The following NXN variants were observed in gnomAD, a reference collection of about 807,000 sequenced individuals.
The protein encoded by NXN is nucleoredoxin.
In NXN, 16 loss-of-function variants were observed where a neutral mutation model predicts 48.6. That is an observed-to-expected ratio of 0.33 (90% CI 0.22 to 0.50). The LOEUF is 0.50. NXN is among the 20% of genes least tolerant of loss of function. NXN has a pLI of 0.98. For missense variants in NXN, 492 were observed against 605.5 expected, an observed-to-expected ratio of 0.81 and a Z score of 1.97; for synonymous variants, 281 against 269.6, an observed-to-expected ratio of 1.04 and a Z score of -0.41.
chr17:855,423 C>G (rs1337759189), intron 1 of NXN, among the ~76,000 whole-genome samples: 2 of 152,198 alleles, frequency 1.3e-5, no homozygotes, highest in Non-Finnish European at 2.9e-5. Flanking sequence ...GTTTTCCACC[C>G]AATCCAAGAT....
intron 1 of NXN, among the ~76,000 whole-genome samples, chr17:851,790 A>T (rs949620033): frequency 1.3e-5 from 2 of 152,258 alleles, no homozygotes; most frequent in African/African-American, 4.8e-5. Context: ...ACTCGCCATA[A>T]ATAGAGGCTA....
chr17:905,065 G>T (rs2068570548), intron 1 of NXN: 1 of 151,998 alleles, frequency 6.6e-6, no homozygotes, highest in Non-Finnish European at 1.5e-5. Context: ...CTCTGCCAAT[G>T]AATCAAGACT....
chr17:973,865 G>A (rs945096009), intron 1 of NXN, among the ~76,000 whole-genome samples: 3 of 151,440 alleles, frequency 2.0e-5, no homozygotes, highest in Admixed American at 2.0e-4. Flanking sequence ...TTTTAGTAGA[G>A]ATGGGGTTTC....
In NXN at chr17:979,720, C is replaced by A. The variant is rs1352724784; in HGVS notation, c.-42G>T. 1 of 1,299,754 alleles carries A rather than the reference C, an allele frequency of 7.7e-7. No homozygotes were observed. Among genetic ancestry groups the A allele is most frequent in the African/African-American group, 1.6e-5 (1 of 64,186 alleles). The allele number at this position is 1,299,754 out of a possible 1,614,324, so 80.5% of individuals were successfully genotyped here. A position where few individuals can be genotyped will look rare whatever the true frequency, so the allele number is the denominator to read the frequency against. On this transcript the variant is annotated 5_prime_UTR_variant, in exon 1 of 8. Coordinates refer to ENST00000336868, the MANE Select transcript of NXN (RefSeq NM_022463.5). The stretch of plus-strand genomic sequence containing the variant: ...GCGGGCAGGCGGCTGCGACCCCGCT[C>A]CACGGTCCGCGCGGCGGGAGGAGGC...
intron 1 of NXN, among the ~76,000 whole-genome samples, chr17:912,856 A>G (rs575224958): frequency 1.5e-4 from 23 of 152,244 alleles, no homozygotes; most frequent in Non-Finnish European, 3.1e-4. Context: ...CGGGAGGCTG[A>G]GGCAGGAGAA....
At chr17:875,421 A>T (rs1344992257) in intron 1 of NXN, among the ~76,000 whole-genome samples, 1 of 152,176 alleles carries the variant, frequency 6.6e-6, no homozygotes, top group Non-Finnish European at 1.5e-5. Context: ...ACTCATAGAG[A>T]TAAGCCACTC....
chr17:834,728 C>T (rs1205525954), intron 1 of NXN, among the ~76,000 whole-genome samples: 3 of 151,552 alleles, frequency 2.0e-5, no homozygotes, highest in Non-Finnish European at 2.9e-5. Flanking sequence ...CCACGTTGGG[C>T]ACGCTGGTCT....
rs575400464 is a variant in NXN, at chr17:944,915, G to A, written c.360+34404C>T. 6.6e-5 allele frequency among the ~76,000 whole-genome samples: 10 copies of A among 151,862 alleles called. 1 individual carries two copies. The highest frequency in any genetic ancestry group is 3.9e-4 in the East Asian group (2 of 5,186). On this transcript the variant is annotated intron_variant, in intron 1 of 7. Coordinates refer to ENST00000336868, the MANE Select transcript of NXN (RefSeq NM_022463.5). ...CAATAACAAACCGTGGAACACCTAC[G>A]AACTGTGAAACACACCGAGAAGAGA...
intron 1 of NXN, among the ~76,000 whole-genome samples, chr17:832,353 A>AT (rs577293334): frequency 0.5 from 71,905 of 143,294 alleles, 18,154 homozygotes; most frequent in East Asian, 0.69. Context: ...ACTATTTTGT[A>AT]TTTTTTTTTT....
In NXN at chr17:844,018, G is replaced by T. The variant is rs118118742; in HGVS notation, c.361-17940C>A. Among the ~76,000 whole-genome samples, 1,209 of 152,340 alleles carry T rather than the reference G, an allele frequency of 7.9e-3. 12 individuals carry two copies. Among genetic ancestry groups the T allele is most frequent in the East Asian group, 0.03 (155 of 5,188 alleles). ...TTTGGGGAATCTGCTGCAAAAACAC[G>T]CCTGTCCAGGCCATCATACGTCCCG... On this transcript the variant is annotated intron_variant, in intron 1 of 7. Coordinates refer to ENST00000336868, the MANE Select transcript of NXN (RefSeq NM_022463.5).
At chr17:840,945 GCAGCCCCCACTCCTCCA>G (rs1914135501) in intron 1 of NXN, among the ~76,000 whole-genome samples, 1 of 152,186 alleles carries the variant, frequency 6.6e-6, no homozygotes, top group Non-Finnish European at 1.5e-5. Flanking sequence ...CTGTGTTCTG[GCAGCCCCCACTCCTCCA>G]CCGCACGGCG....
chr17:933,165 T>C (rs2068872677), intron 1 of NXN, among the ~76,000 whole-genome samples: 1 of 151,952 alleles, frequency 6.6e-6, no homozygotes, highest in African/African-American at 2.4e-5. Context: ...GATTCTGTAC[T>C]CCAGATTTGC....
intron 1 of NXN, among the ~76,000 whole-genome samples, chr17:827,358 C>G (rs1913172740): frequency 6.6e-6 from 1 of 151,928 alleles, no homozygotes; most frequent in Non-Finnish European, 1.5e-5. Flanking sequence ...TGCGGTGGCT[C>G]ACACCTGTAA....
At chr17:841,394 G>GGCGCATCTCACACCT (rs1567827329) in intron 1 of NXN, among the ~76,000 whole-genome samples, 1 of 87,266 alleles carries the variant, frequency 1.1e-5, no homozygotes, top group African/African-American at 3.9e-5. Context: ...ATCTCACGCC[G>GGCGCATCTCACACCT]GCGAGCAGGT....
At chr17:868,098 C>T (rs911617160) in intron 1 of NXN, among the ~76,000 whole-genome samples, 94 of 152,178 alleles carry the variant, frequency 6.2e-4, no homozygotes, top group African/African-American at 2.2e-3. Flanking sequence ...CATCTCCTAG[C>T]TGGACACTGG....
At chr17:902,322 G>C (rs2068545008) in intron 1 of NXN, among the ~76,000 whole-genome samples, 1 of 152,230 alleles carries the variant, frequency 6.6e-6, no homozygotes, top group South Asian at 2.1e-4. Flanking sequence ...CTTCCCGTGA[G>C]ATCCACGAGG....
intron 5 of NXN, among the ~76,000 whole-genome samples, chr17:806,825 T>A (rs1241570693): frequency 1.3e-5 from 2 of 152,076 alleles, no homozygotes; most frequent in Admixed American, 6.5e-5. Flanking sequence ...TCCATTATGT[T>A]CACACCTATG....
At chr17:965,937 GA>G (rs2069297190) in intron 1 of NXN, among the ~76,000 whole-genome samples, 1 of 151,492 alleles carries the variant, frequency 6.6e-6, no homozygotes, top group Non-Finnish European at 1.5e-5. Flanking sequence ...CAACATGGTG[GA>G]ACCCTGTCTC....
chr17:897,017 A>T (rs1338794523), intron 1 of NXN: 4 of 1,110,146 alleles, frequency 3.6e-6, no homozygotes, highest in Non-Finnish European at 4.4e-6. Context: ...TCCGTAATGG[A>T]AACTCCGGCG....
Sources: gnomAD v4.1 joint callset for allele counts (sites outside exome capture counted in the v4.1 genomes callset) on GRCh38, gnomAD v4.1.1 for gene constraint, MANE v1.5 for transcripts, NCBI Gene and HGNC (gene_info 2026-07-23, HGNC 2026-07-21) for gene names.